The following CEP104 variants were observed in gnomAD, a reference collection of about 807,000 sequenced individuals.
CEP104 encodes centrosomal protein of 104 kDa.
In CEP104, 84 loss-of-function variants were observed where a neutral mutation model predicts 113.3. The ratio of observed to expected loss-of-function variants is 0.74; its 90% CI spans 0.62 to 0.89. The LOEUF (loss-of-function observed/expected upper bound fraction) is 0.89, where lower values mean the gene tolerates loss of function less well. Among genes scored for constraint, CEP104 ranks in the 40% least tolerant of loss-of-function variants. CEP104 has a pLI of 0.00. For synonymous variants in CEP104, 378 were observed against 421.7 expected, an observed-to-expected ratio of 0.90 and a Z score of 1.27; for missense variants, 1,053 against 1,156.6, an observed-to-expected ratio of 0.91 and a Z score of 1.30.
At chr1:3,818,309 C>T (rs1643911039) in intron 20 of CEP104, among the ~76,000 whole-genome samples, 1 of 152,226 alleles carries the variant, frequency 6.6e-6, no homozygotes, top group Non-Finnish European at 1.5e-5. Flanking sequence ...ACAAACCCCA[C>T]ATTTCCACCT....
At chr1:3,836,370 A>T (rs1644310817) in intron 10 of CEP104, 125 bp downstream of exon 10, 1 of 986,986 alleles carries the variant, frequency 1.0e-6, no homozygotes, top group South Asian at 1.8e-5. Flanking sequence ...GGAAGTCAAC[A>T]ATATTACAAA....
rs550211859 is a variant in CEP104, at chr1:3,843,072, G to A, written c.566+1835C>T. On this transcript the variant is annotated intron_variant, in intron 6 of 21. Coordinates refer to ENST00000378230, the MANE Select transcript of CEP104 (RefSeq NM_014704.4). ...CAAAGTGCTGGGATTACAGGCGTGC[G>A]ACATAACGCTCAGCCTAAAAAACAT... 5.7e-5 allele frequency: 31 copies of A among 546,498 alleles called. No individual in the cohort carries two copies. The East Asian group carries it at 7.9e-4, about 14-fold the overall frequency. The allele number at this position is 546,498 out of a possible 1,614,324, so 33.9% of individuals were successfully genotyped here.
rs762366585 is a variant in CEP104 at position 3,837,471 on chromosome 1, T to C, written c.940A>G (p.Ser314Gly). ...LPLQPLARSG[S>G]PCHQKPMPSL... ...GGCATTGGCTTTTGGTGGCAAGGAC[T>C]GCCAGAACGAGCGAGGGGCTGGAGG... Residue 314 changes from serine (S) to glycine (G), a missense_variant, in exon 9 of 22, where the codon AGT becomes GGT. Physicochemically the swap from Ser to Gly is moderately conservative, Grantham distance 56. Transcript: ENST00000378230. 9.9e-6 allele frequency: 16 copies of C among 1,614,242 alleles called. 1 individual carries two copies. In the South Asian group the frequency reaches 1.8e-4, roughly 18 times the overall value.
chr1:3,836,039 T>C (rs942894145), intron 10 of CEP104, among the ~76,000 whole-genome samples: 2 of 150,528 alleles, frequency 1.3e-5, no homozygotes, highest in African/African-American at 4.9e-5. Flanking sequence ...CAGTGGCTCA[T>C]GCCTGTAATC....
rs1016995542 is a variant in CEP104, at chr1:3,816,447, G to A, written c.2572-77C>T. On this transcript the variant is annotated intron_variant, in intron 20 of 21. Transcript: ENST00000378230. Reference sequence around the variant, plus strand: ...CGCTACCTGAGACCCAAAAGGACTCGCTGTGTAAGCTGAAAACGAGGGCGG... The same window carrying A: ...CGCTACCTGAGACCCAAAAGGACTCACTGTGTAAGCTGAAAACGAGGGCGG... The A allele has an allele frequency of 7.4e-6, 9 of 1,215,656 alleles. 1 individual carries two copies. Among genetic ancestry groups the A allele is most frequent in the South Asian group, 3.0e-5 (2 of 67,706 alleles). The allele number at this position is 1,215,656 out of a possible 1,614,324, so 75.3% of individuals were successfully genotyped here. A position where few individuals can be genotyped will look rare whatever the true frequency, so the allele number is the denominator to read the frequency against.
intron 1 of CEP104, among the ~76,000 whole-genome samples, chr1:3,854,728 C>T (rs901413428): frequency 2.0e-5 from 3 of 150,262 alleles, no homozygotes; most frequent in African/African-American, 7.4e-5. Context: ...ATCTGCCCGC[C>T]TTGGCCTCCC....
rs765780308 is a variant in CEP104, at chr1:3,829,295, C to T, written c.2122G>A (p.Ala708Thr). The T allele has an allele frequency of 3.1e-6, 5 of 1,590,738 alleles. No individual in the cohort carries two copies. The highest frequency in any genetic ancestry group is 1.2e-5 in the South Asian group (1 of 85,856). The change falls in exon 15 of 22, where the codon GCA becomes ACA. Residue 708 changes from alanine to threonine, a missense_variant. Transcript: ENST00000378230. ...EIKALQGQLAALKEIQAEVQE... is the reference protein window; with the variant it reads ...EIKALQGQLATLKEIQAEVQE... ...ACTTCAGCCTGAATTTCTTTCAGTGCTGCCAGCTGCCCTTGTAAAGCTTTT... is the reference window on the plus strand; with the variant it reads ...ACTTCAGCCTGAATTTCTTTCAGTGTTGCCAGCTGCCCTTGTAAAGCTTTT...
rs1442311051 is a variant in CEP104 at position 3,853,469 on chromosome 1, T to C, written c.-14-1048A>G. 3.3e-5 allele frequency among the ~76,000 whole-genome samples: 5 copies of C among 152,048 alleles called. No homozygotes were observed. In the East Asian group the frequency reaches 9.6e-4, roughly 29 times the overall value. ...GACTCCATCAGAAAGTTCTCTGGGA[T>C]AAGATATACTATTAATTGAAATTCC... On this transcript the variant is annotated intron_variant, in intron 1 of 21. Coordinates refer to ENST00000378230, the MANE Select transcript of CEP104 (RefSeq NM_014704.4).
intron 11 of CEP104, 131 bp from the exon 12 acceptor site, chr1:3,834,166 T>C (rs1475559816): frequency 1.3e-6 from 1 of 740,904 alleles, no homozygotes; most frequent in Non-Finnish European, 2.2e-6. Flanking sequence ...AGGCTGAAAA[T>C]TGCAAACTGA....
intron 11 of CEP104, among the ~76,000 whole-genome samples, chr1:3,834,599 A>C (rs1377128134): frequency 6.6e-6 from 1 of 152,244 alleles, no homozygotes; most frequent in East Asian, 1.9e-4. Flanking sequence ...GGTTTCATGC[A>C]AAGTGAAAAC....
Position 3,812,290 on chromosome 1 carries a change from C to T in CEP104, c.*3112G>A, listed in dbSNP as rs1271366705. The T allele has an allele frequency of 6.6e-6, 1 of 151,976 alleles. No individual in the cohort carries two copies. Among genetic ancestry groups the T allele is most frequent in the Non-Finnish European group, 1.5e-5 (1 of 68,010 alleles). The allele number at this position is 151,976 out of a possible 1,614,324, so 9.4% of individuals were successfully genotyped here. A position where few individuals can be genotyped will look rare whatever the true frequency, so the allele number is the denominator to read the frequency against. On this transcript the variant is annotated 3_prime_UTR_variant, in exon 22 of 22. Coordinates refer to ENST00000378230, the MANE Select transcript of CEP104 (RefSeq NM_014704.4). ...GTATCCTAATGCCAATTTATACATA[C>T]AATTCTTTTAAGTTAGATTTAATGG...
chr1:3,827,874 T>C lies in CEP104; in HGVS notation c.2152-1130A>G, dbSNP rs116166766. 6.0e-3 allele frequency among the ~76,000 whole-genome samples: 909 copies of C among 152,194 alleles called. 10 individuals carry two copies. The highest frequency in any genetic ancestry group is 0.02 in the African/African-American group (846 of 41,546). On this transcript the variant is annotated intron_variant, in intron 15 of 21. Coordinates refer to ENST00000378230, the MANE Select transcript of CEP104 (RefSeq NM_014704.4). ...CCCTGGAGCCCCAGCTCCATGAGGGTGGGACTTTGCTTTGCTGCCTGCTGT... is the reference window on the plus strand; with the variant it reads ...CCCTGGAGCCCCAGCTCCATGAGGGCGGGACTTTGCTTTGCTGCCTGCTGT...
At chr1:3,852,536 G>T in intron 1 of CEP104, 115 bp from the exon 2 acceptor site, 1 of 906,868 alleles carries the variant, frequency 1.1e-6, no homozygotes, top group Non-Finnish European at 1.6e-6. Flanking sequence ...TAAGTATTCA[G>T]AATTTTCCCA....
chr1:3,843,879 A>T (rs1644459983), intron 6 of CEP104, among the ~76,000 whole-genome samples: 2 of 151,914 alleles, frequency 1.3e-5, no homozygotes, highest in Admixed American at 1.3e-4. Context: ...CTCCTGCCTC[A>T]GCCTCCCAAG....
Position 3,848,731 on chromosome 1 carries a change from C to T in CEP104, c.164G>A (p.Arg55Gln), listed in dbSNP as rs1260661463. The change falls in exon 3 of 22, where the codon CGA becomes CAA. Residue 55 changes from arginine to glutamine, a missense_variant. By Grantham distance (43) the Arg-to-Gln change is conservative. Transcript: ENST00000378230. ...AGCAAGTAACTGCAGTTTCCTTATT[C>T]GACATCTCTCCACCATTTGAAGGAC... ...EIVLQMVERC[R>Q]IRKLQLLAHQ... 6.2e-6 allele frequency: 10 copies of T among 1,613,386 alleles called. No homozygotes were observed. The highest frequency in any genetic ancestry group is 5.0e-5 in the Admixed American group (3 of 59,808).
chr1:3,832,253 AT>A (rs1644222781), intron 12 of CEP104, among the ~76,000 whole-genome samples: 1 of 17,336 alleles, frequency 5.8e-5, no homozygotes, highest in African/African-American at 2.8e-4. Context: ...CCAGGAGTGT[AT>A]TGTAACCAGG....
At chr1:3,828,470 CA>C (rs1011740573) in intron 15 of CEP104, among the ~76,000 whole-genome samples, 2 of 152,214 alleles carry the variant, frequency 1.3e-5, no homozygotes, top group African/African-American at 4.8e-5. Flanking sequence ...TATTCAGCCA[CA>C]TTTGATCTTT....
chr1:3,816,838 T>C (rs1171871522), intron 20 of CEP104, among the ~76,000 whole-genome samples: 1 of 152,246 alleles, frequency 6.6e-6, no homozygotes, highest in African/African-American at 2.4e-5. Flanking sequence ...CCACATGCAC[T>C]TGCCCTGCAG....
At chr1:3,852,185 A>G (rs1644623681) in intron 2 of CEP104, 110 bp downstream of exon 2, 9 of 1,037,264 alleles carry the variant, frequency 8.7e-6, no homozygotes, top group Non-Finnish European at 1.2e-5. Context: ...CTTGGTCCTG[A>G]TGTCCGAGTG....
Sources: allele counts gnomAD v4.1 joint callset (sites outside exome capture counted in the v4.1 genomes callset), GRCh38; gene constraint gnomAD v4.1.1; transcripts MANE v1.5; gene names NCBI Gene and HGNC (gene_info 2026-07-23, HGNC 2026-07-21).